The following GALNTL6 variants were observed in gnomAD, a reference collection of about 807,000 sequenced individuals.
GALNTL6 encodes the protein polypeptide N-acetylgalactosaminyltransferase like 6.
A neutral mutation model predicts 73.7 loss-of-function variants in GALNTL6; 46 were observed. That is an observed-to-expected ratio of 0.62 (90% confidence interval 0.49 to 0.80). The LOEUF (loss-of-function observed/expected upper bound fraction) is 0.80, where lower values mean the gene tolerates loss of function less well. Ranked by LOEUF, GALNTL6 falls within the 30% of genes least tolerant of loss-of-function variation. GALNTL6 has a pLI of 0.00. For missense variants in GALNTL6, 604 were observed against 755.0 expected, an observed-to-expected ratio of 0.80 and a Z score of 2.34; for synonymous variants, 259 against 263.7, an observed-to-expected ratio of 0.98 and a Z score of 0.17.
chr4:172,399,221 A>C (rs567000312), intron 5 of GALNTL6, among the ~76,000 whole-genome samples: 150 of 152,156 alleles, frequency 9.9e-4, no homozygotes, highest in Admixed American at 1.8e-3. Flanking sequence ...ATAACTCTGC[A>C]TGTATAGATT....
At chr4:172,907,080 A>G (rs960327981) in intron 8 of GALNTL6, among the ~76,000 whole-genome samples, 1 of 152,126 alleles carries the variant, frequency 6.6e-6, no homozygotes, top group African/African-American at 2.4e-5. Context: ...AATTCTGTCA[A>G]CCACACTGAC....
intron 5 of GALNTL6, among the ~76,000 whole-genome samples, chr4:172,675,547 C>A (rs1732243291): frequency 6.6e-6 from 1 of 152,174 alleles, no homozygotes; most frequent in African/African-American, 2.4e-5. Flanking sequence ...TGGGTGCCTT[C>A]TCCATGCCCC....
intron 2 of GALNTL6, among the ~76,000 whole-genome samples, chr4:172,200,688 G>C (rs1157278897): frequency 6.6e-6 from 1 of 152,182 alleles, no homozygotes; most frequent in African/African-American, 2.4e-5. Context: ...GTAAATGTGT[G>C]ACAACATCTA....
At chr4:172,662,773 C>G (rs537171081) in intron 5 of GALNTL6, among the ~76,000 whole-genome samples, 1 of 152,238 alleles carries the variant, frequency 6.6e-6, no homozygotes, top group East Asian at 1.9e-4. Context: ...CTAGAGAAAG[C>G]TGGGCAAATA....
chr4:172,244,182 C>T (rs991850324), intron 3 of GALNTL6, among the ~76,000 whole-genome samples: 10 of 151,960 alleles, frequency 6.6e-5, no homozygotes, highest in Admixed American at 4.6e-4. Context: ...TGAAATATTT[C>T]CTTTGTCACT....
chr4:172,832,854 C>T (rs1381458739), intron 7 of GALNTL6, among the ~76,000 whole-genome samples: 1 of 152,178 alleles, frequency 6.6e-6, no homozygotes, highest in Non-Finnish European at 1.5e-5. Context: ...AGGACAAAAT[C>T]GTGGCCACAG....
At chr4:172,727,428 A>G (rs1188938784) in intron 5 of GALNTL6, among the ~76,000 whole-genome samples, 1 of 152,262 alleles carries the variant, frequency 6.6e-6, no homozygotes, top group African/African-American at 2.4e-5. Flanking sequence ...TTCACTAATG[A>G]GCAAATAAAT....
Position 172,258,540 on chromosome 4 carries a change from T to A in GALNTL6, c.247+28776T>A, listed in dbSNP as rs552273430. On this transcript the variant is annotated intron_variant, in intron 3 of 12. Coordinates refer to ENST00000506823, the MANE Select transcript of GALNTL6 (RefSeq NM_001034845.3). The stretch of plus-strand genomic sequence containing the variant: ...ATTCTTTTCCTTCTGAAATTCCAGT[T>A]TATATATATCAGGTCTCATATAGAG... Among the ~76,000 whole-genome samples, 50 of 151,406 alleles carry A rather than the reference T, an allele frequency of 3.3e-4. 1 individual carries two copies. Among genetic ancestry groups the A allele is most frequent in the South Asian group, 2.7e-3 (13 of 4,822 alleles).
intron 5 of GALNTL6, among the ~76,000 whole-genome samples, chr4:172,777,388 C>T (rs1221577369): frequency 1.3e-5 from 2 of 152,138 alleles, no homozygotes; most frequent in East Asian, 3.8e-4. Context: ...AACATGGCCA[C>T]TGTATTTTTC....
intron 2 of GALNTL6, among the ~76,000 whole-genome samples, chr4:172,169,786 T>C (rs1347414557): frequency 6.6e-6 from 1 of 152,232 alleles, no homozygotes. Context: ...ACACAGAATG[T>C]GTAGTTTTGT....
At chr4:171,849,468 A>G (rs1156432727) in intron 2 of GALNTL6, among the ~76,000 whole-genome samples, 1 of 152,228 alleles carries the variant, frequency 6.6e-6, no homozygotes, top group East Asian at 1.9e-4. Flanking sequence ...TGGACAGTAT[A>G]AATGTTTTGT....
intron 7 of GALNTL6, among the ~76,000 whole-genome samples, chr4:172,814,831 G>A (rs1169255118): frequency 6.6e-6 from 1 of 152,124 alleles, no homozygotes; most frequent in East Asian, 1.9e-4. Context: ...GAAGACGTTA[G>A]CCTGATACCA....
chr4:172,566,732 A>G (rs1736567836), intron 5 of GALNTL6, among the ~76,000 whole-genome samples: 1 of 151,956 alleles, frequency 6.6e-6, no homozygotes, highest in African/African-American at 2.4e-5. Flanking sequence ...AAAAAAATAA[A>G]TGGAACTAAA....
At chr4:172,396,585 A>C (rs909107610) in intron 5 of GALNTL6, among the ~76,000 whole-genome samples, 2 of 152,174 alleles carry the variant, frequency 1.3e-5, no homozygotes. Context: ...ACTTAAGACC[A>C]GTTCTCAATA....
At chr4:171,873,880 A>G (rs910871908) in intron 2 of GALNTL6, among the ~76,000 whole-genome samples, 14 of 152,164 alleles carry the variant, frequency 9.2e-5, no homozygotes, top group Admixed American at 8.5e-4. Context: ...AAGGAGGGAC[A>G]TGACATTACT....
chr4:172,912,783 T>G (rs959725148), intron 8 of GALNTL6, among the ~76,000 whole-genome samples: 1 of 152,166 alleles, frequency 6.6e-6, no homozygotes, highest in African/African-American at 2.4e-5. Flanking sequence ...ACTCCAGCTC[T>G]GGGGGCAGGG....
At chr4:172,331,651 CTTAT>C (rs1355659093) in intron 4 of GALNTL6, among the ~76,000 whole-genome samples, 1 of 152,134 alleles carries the variant, frequency 6.6e-6, no homozygotes, top group African/African-American at 2.4e-5. Flanking sequence ...CTGAGACTGG[CTTAT>C]TTAACTTGGC....
intron 2 of GALNTL6, among the ~76,000 whole-genome samples, chr4:172,001,919 G>A (rs537598778): frequency 1.4e-4 from 22 of 152,158 alleles, no homozygotes; most frequent in Non-Finnish European, 4.4e-5. Context: ...TGCTCTTTGC[G>A]ATTTTCCAGA....
intron 2 of GALNTL6, among the ~76,000 whole-genome samples, chr4:171,881,648 G>A (rs138342924): frequency 6.6e-6 from 1 of 152,266 alleles, no homozygotes; most frequent in Non-Finnish European, 1.5e-5. Flanking sequence ...ACCATCACAT[G>A]TATTAAGTGG....
Sources: allele counts gnomAD v4.1 joint callset (sites outside exome capture counted in the v4.1 genomes callset), GRCh38; gene constraint gnomAD v4.1.1; transcripts MANE v1.5; gene names NCBI Gene and HGNC (gene_info 2026-07-23, HGNC 2026-07-21).